Variants in SPRY3 observed in about 807,000 individuals in gnomAD.
SPRY3 encodes the protein protein sprouty homolog 3.
Under a neutral mutation model 20.2 loss-of-function variants are expected in SPRY3, and 15 were observed. The ratio of observed to expected loss-of-function variants is 0.74; its 90% confidence interval spans 0.50 to 1.14. The LOEUF is 1.14. Ranked by LOEUF, SPRY3 falls within the 50% of genes most tolerant of loss-of-function variation. The pLI is 0.00. For synonymous variants in SPRY3, 143 were observed against 136.5 expected (o/e 1.05, Z -0.33); for missense variants, 364 against 363.9 (o/e 1.00, Z 0.00).
At chrX:155,767,433 C>G (rs2091339810) in intron 2 of SPRY3, among the ~76,000 whole-genome samples, 2 of 152,056 alleles carry the variant, frequency 1.3e-5, no homozygotes, top group African/African-American at 2.4e-5. Flanking sequence ...TAATCACACA[C>G]TGGCGGTATC....
At chrX:155,657,235 T>C (rs2067995087) in intron 2 of SPRY3, among the ~76,000 whole-genome samples, 1 of 111,966 alleles carries the variant, frequency 8.9e-6, no homozygotes, top group Non-Finnish European at 1.9e-5. Flanking sequence ...TTCCCCCAGG[T>C]GCTCTGTCTC....
chrX:155,651,832 T>A (rs1418504072), intron 1 of SPRY3, among the ~76,000 whole-genome samples: 1 of 112,077 alleles, frequency 8.9e-6, no homozygotes, highest in African/African-American at 3.2e-5. Flanking sequence ...CAAGCATTTA[T>A]CCTTTGTGTT....
intron 1 of SPRY3, among the ~76,000 whole-genome samples, chrX:155,645,834 T>A (rs2067955988): frequency 8.9e-6 from 1 of 111,938 alleles, no homozygotes; most frequent in African/African-American, 3.3e-5. Context: ...CTTCTTTGTG[T>A]GCAGGTAATT....
chrX:155,731,650 G>T (rs1057298545), intron 2 of SPRY3, among the ~76,000 whole-genome samples: 2 of 151,974 alleles, frequency 1.3e-5, no homozygotes, highest in Non-Finnish European at 2.9e-5. Context: ...AGCAAAAGTG[G>T]ACAAATGGGA....
chrX:155,765,293 CAGCCTG>C (rs990083447), intron 2 of SPRY3, among the ~76,000 whole-genome samples: 15 of 44,646 alleles, frequency 3.4e-4, no homozygotes, highest in African/African-American at 2.0e-3. Context: ...TGGAGTGAGA[CAGCCTG>C]AGTCAGCCTG....
chrX:155,744,589 A>G (rs911064898), intron 2 of SPRY3, among the ~76,000 whole-genome samples: 4 of 152,112 alleles, frequency 2.6e-5, no homozygotes, highest in African/African-American at 9.7e-5. Flanking sequence ...TGTACAGAAA[A>G]ATACTAATCC....
chrX:155,665,875 A>T (rs782069292), intron 2 of SPRY3, among the ~76,000 whole-genome samples: 1 of 111,735 alleles, frequency 8.9e-6, no homozygotes, highest in African/African-American at 3.2e-5. Context: ...TCAATAGTGG[A>T]TATATAGGTG....
chrX:155,751,890 T>G (rs1443140206), intron 2 of SPRY3, among the ~76,000 whole-genome samples: 2 of 140,954 alleles, frequency 1.4e-5, no homozygotes. Context: ...ATCTGTTTAA[T>G]GAGAGTTGGA....
intron 1 of SPRY3, among the ~76,000 whole-genome samples, chrX:155,653,315 T>C (rs2067982718): frequency 2.7e-5 from 3 of 112,134 alleles, no homozygotes; most frequent in Admixed American, 1.9e-4. Flanking sequence ...TAAGAAACCA[T>C]TGCCTGATTC....
At chrX:155,706,172 A>C (rs749865824) in intron 2 of SPRY3, among the ~76,000 whole-genome samples, 2 of 151,310 alleles carry the variant, frequency 1.3e-5, no homozygotes, top group Non-Finnish European at 3.0e-5. Flanking sequence ...ATGTCCTCAG[A>C]TTGCAGTAGA....
chrX:155,769,016 T>A (rs1256290079), intron 3 of SPRY3, among the ~76,000 whole-genome samples: 1 of 152,224 alleles, frequency 6.6e-6, no homozygotes. Context: ...TGAATTTGGA[T>A]ATACCAGGTG....
In SPRY3 at chrX:155,635,663, A is replaced by G. The variant is rs148419725; in HGVS notation, c.-440-21204A>G. ...AAATGCAAATCAAAACCATAATGAG[A>G]TATCATCTCACACCAGATAGAATGG... On this transcript the variant is annotated intron_variant, in intron 1 of 3. Transcript: ENST00000675360. 1.9e-3 allele frequency among the ~76,000 whole-genome samples: 215 copies of G among 112,333 alleles called. 1 individual carries two copies. The highest frequency in any genetic ancestry group is 6.6e-3 in the African/African-American group (205 of 30,941).
At position 155,652,270 on chromosome X, in the gene SPRY3, A is replaced by T. The variant is rs187535339; in HGVS notation, c.-440-4597A>T. Among the ~76,000 whole-genome samples, 11 of 112,086 alleles carry T rather than the reference A, an allele frequency of 9.8e-5. No homozygotes were observed. In the East Asian group the frequency reaches 2.2e-3, roughly 23 times the overall value. On this transcript the variant is annotated intron_variant, in intron 1 of 3. Transcript: ENST00000675360. Reference sequence around the variant, plus strand: ...CCAATTACACTCTTTTAGTTATTTTAAAATGTACAATTAAATTATTATTGA... The same window carrying T: ...CCAATTACACTCTTTTAGTTATTTTTAAATGTACAATTAAATTATTATTGA...
At chrX:155,713,124 G>A (rs1466273805) in intron 2 of SPRY3, among the ~76,000 whole-genome samples, 3 of 151,572 alleles carry the variant, frequency 2.0e-5, no homozygotes, top group Admixed American at 2.0e-4. Context: ...TTAAGTTCTG[G>A]GATACACATG....
rs188391826 is a variant in SPRY3 at position 155,618,717 on chromosome X, A to T, written c.-441+6070A>T. ...TTGTACTGTATTTTTTATCTTAGCT[A>T]TTTTTTATGTCAGGTATTCTGACAG... On this transcript the variant is annotated intron_variant, in intron 1 of 3. Transcript: ENST00000675360. Among the ~76,000 whole-genome samples the T allele has an allele frequency of 1.7e-4, 19 of 110,994 alleles. No individual in the cohort carries two copies. The East Asian group carries it at 5.1e-3, about 30-fold the overall frequency.
At chrX:155,681,466 G>A (rs1399252113) in intron 2 of SPRY3, among the ~76,000 whole-genome samples, 1 of 112,101 alleles carries the variant, frequency 8.9e-6, no homozygotes, top group Non-Finnish European at 1.9e-5. Context: ...ACTAATACAA[G>A]TGATAGAAAG....
chrX:155,706,351 G>A (rs1473898538), intron 2 of SPRY3, among the ~76,000 whole-genome samples: 1 of 151,068 alleles, frequency 6.6e-6, no homozygotes, highest in East Asian at 1.9e-4. Context: ...ACTTTGCATG[G>A]TGTAGCTACA....
chrX:155,667,236 A>G (rs185338936), intron 2 of SPRY3, among the ~76,000 whole-genome samples: 3 of 111,057 alleles, frequency 2.7e-5, no homozygotes, highest in Non-Finnish European at 5.7e-5. Context: ...GAAGGGATAC[A>G]GTAGGAGGAT....
At chrX:155,763,306 C>T (rs2091311627) in intron 2 of SPRY3, among the ~76,000 whole-genome samples, 1 of 152,084 alleles carries the variant, frequency 6.6e-6, no homozygotes, top group African/African-American at 2.4e-5. Flanking sequence ...TCCAACTTCT[C>T]AGTATGCAAT....
Sources: gnomAD v4.1 joint callset for allele counts (sites outside exome capture counted in the v4.1 genomes callset) on GRCh38, gnomAD v4.1.1 for gene constraint, MANE v1.5 for transcripts, NCBI Gene and HGNC (gene_info 2026-07-23, HGNC 2026-07-21) for gene names.